The following GLYR1 variants were observed in gnomAD, a reference collection of about 807,000 sequenced individuals.
GLYR1 encodes the protein glyoxylate reductase 1 homolog.
A neutral mutation model predicts 72.7 loss-of-function variants in GLYR1; 21 were observed. That is an observed-to-expected ratio of 0.29 (90% CI 0.20 to 0.42). GLYR1 has a LOEUF of 0.42. GLYR1 is among the 10% of genes least tolerant of loss of function. The pLI is 1.00. For missense variants in GLYR1, 594 were observed against 712.1 expected, an observed-to-expected ratio of 0.83 and a Z score of 1.89; for synonymous variants, 392 against 270.2, an observed-to-expected ratio of 1.45 and a Z score of -4.42.
chr16:4,829,857 G>C lies in GLYR1; in HGVS notation c.537+2122C>G, dbSNP rs148518465. Reference sequence around the variant, plus strand: ...TCGGGTAATTTTTGTATTTTTAGTAGAGACGGGGTTTCTCCATGTTGGTCA... The same window carrying C: ...TCGGGTAATTTTTGTATTTTTAGTACAGACGGGGTTTCTCCATGTTGGTCA... On this transcript the variant is annotated intron_variant, in intron 5 of 15. Transcript: ENST00000321919. Among the ~76,000 whole-genome samples the C allele has an allele frequency of 1.9e-3, 293 of 152,162 alleles. 2 individuals are homozygous for C. Among genetic ancestry groups the C allele is most frequent in the African/African-American group, 6.7e-3 (276 of 41,496 alleles).
intron 3 of GLYR1, among the ~76,000 whole-genome samples, chr16:4,835,538 A>G (rs895512870): frequency 2.0e-5 from 3 of 152,224 alleles, no homozygotes; most frequent in African/African-American, 7.2e-5. Context: ...ACAGCCATAA[A>G]AAACCAGCTT....
chr16:4,812,675 G>C (rs1480256679), intron 12 of GLYR1, among the ~76,000 whole-genome samples: 1 of 147,994 alleles, frequency 6.8e-6, no homozygotes, highest in Non-Finnish European at 1.5e-5. Context: ...TGTATTTTTA[G>C]TAGAGACAGG....
At chr16:4,840,953 C>A (rs1430728789) in intron 3 of GLYR1, among the ~76,000 whole-genome samples, 3 of 152,192 alleles carry the variant, frequency 2.0e-5, no homozygotes, top group Admixed American at 6.5e-5. Context: ...TACATCTTTA[C>A]CCTTTATTTC....
intron 12 of GLYR1, among the ~76,000 whole-genome samples, chr16:4,813,412 G>T (rs1407346813): frequency 6.6e-6 from 1 of 152,214 alleles, no homozygotes; most frequent in African/African-American, 2.4e-5. Flanking sequence ...AGATGCTCGG[G>T]GAGGAGGGAT....
At chr16:4,814,011 C>A in intron 11 of GLYR1, 173 bp from the exon 12 acceptor site, 1 of 503,532 alleles carries the variant, frequency 2.0e-6, no homozygotes, top group Non-Finnish European at 3.5e-6. Context: ...TTCCCGCATG[C>A]TCCCATTTAT....
chr16:4,814,391 C>G (rs572320143), intron 11 of GLYR1, 146 bp downstream of exon 11: 2 of 667,032 alleles, frequency 3.0e-6, no homozygotes, highest in South Asian at 1.7e-5. Context: ...ATGCAAACAC[C>G]CTTCACAATG....
chr16:4,812,459 C>T (rs922316851), intron 12 of GLYR1, among the ~76,000 whole-genome samples: 5 of 151,946 alleles, frequency 3.3e-5, no homozygotes, highest in African/African-American at 4.8e-5. Flanking sequence ...AGTGATGAGA[C>T]GCTGGGGTCT....
intron 5 of GLYR1, 81 bp downstream of exon 5, chr16:4,831,898 C>T: frequency 6.5e-7 from 1 of 1,529,478 alleles, no homozygotes; most frequent in Non-Finnish European, 8.8e-7. Context: ...AAGCATACTA[C>T]ATAAGCATAC....
At chr16:4,810,968 G>A (rs2083293080) in intron 15 of GLYR1, among the ~76,000 whole-genome samples, 1 of 151,936 alleles carries the variant, frequency 6.6e-6, no homozygotes, top group South Asian at 2.1e-4. Context: ...AGCTAGGCAT[G>A]GTGGTGGGCA....
intron 3 of GLYR1, chr16:4,843,509 C>A: frequency 7.8e-7 from 1 of 1,282,648 alleles, no homozygotes; most frequent in South Asian, 1.3e-5. Context: ...TCCAGAAGCT[C>A]TGGCTCCACA....
At chr16:4,816,677 T>C (rs1304392235) in intron 10 of GLYR1, among the ~76,000 whole-genome samples, 5 of 152,096 alleles carry the variant, frequency 3.3e-5, no homozygotes, top group African/African-American at 4.8e-5. Flanking sequence ...TATTTTCTTC[T>C]GGTTTTCTTT....
intron 10 of GLYR1, among the ~76,000 whole-genome samples, chr16:4,817,034 C>T (rs929707059): frequency 2.5e-4 from 38 of 151,572 alleles, no homozygotes; most frequent in Admixed American, 2.6e-4. Context: ...ACCTCTGCCT[C>T]CCACATTCAA....
At chr16:4,847,140 A>G (rs2086203858) in intron 1 of GLYR1, 88 bp downstream of exon 1, 2 of 1,283,666 alleles carry the variant, frequency 1.6e-6, no homozygotes, top group Admixed American at 2.0e-5. Context: ...GAGCGCATAA[A>G]AAGGCAGCTC....
At chr16:4,843,265 G>C (rs1371343891) in intron 3 of GLYR1, 2 of 210,384 alleles carry the variant, frequency 9.5e-6, no homozygotes, top group Non-Finnish European at 1.9e-5. Flanking sequence ...GGCAATTCTC[G>C]AGCCTCAGCC....
At chr16:4,818,666 A>G (rs1349642367) in intron 9 of GLYR1, among the ~76,000 whole-genome samples, 2 of 152,202 alleles carry the variant, frequency 1.3e-5, no homozygotes, top group Non-Finnish European at 2.9e-5. Flanking sequence ...CCTTGACTGC[A>G]TGAACCAGGA....
At chr16:4,847,064 C>A in intron 1 of GLYR1, 164 bp downstream of exon 1, 1 of 665,224 alleles carries the variant, frequency 1.5e-6, no homozygotes, top group South Asian at 1.8e-5. Flanking sequence ...CGGGACTGGA[C>A]TGCCCCTTCC....
intron 3 of GLYR1, among the ~76,000 whole-genome samples, chr16:4,842,975 C>T (rs560286577): frequency 9.0e-4 from 137 of 152,336 alleles, no homozygotes; most frequent in African/African-American, 3.0e-3. Flanking sequence ...GCTGGGGTTA[C>T]AGGCATGAGC....
chr16:4,832,524 G>A (rs893835436), intron 4 of GLYR1: 1 of 576,378 alleles, frequency 1.7e-6, no homozygotes, highest in Non-Finnish European at 3.0e-6. Flanking sequence ...GCCTGTGCTA[G>A]ACTCAAATGC....
chr16:4,844,913 G>T (rs2085877411), intron 3 of GLYR1, among the ~76,000 whole-genome samples, 161 bp downstream of exon 3: 1 of 152,180 alleles, frequency 6.6e-6, no homozygotes, highest in Non-Finnish European at 1.5e-5. Flanking sequence ...ATTTCTGCAA[G>T]AAATTGCACC....
Sources: gnomAD v4.1 joint callset for allele counts (sites outside exome capture counted in the v4.1 genomes callset) on GRCh38, gnomAD v4.1.1 for gene constraint, MANE v1.5 for transcripts, NCBI Gene and HGNC (gene_info 2026-07-23, HGNC 2026-07-21) for gene names.